Variants in ADGRG3 observed in about 807,000 individuals in gnomAD.
ADGRG3 encodes the protein G protein-coupled receptor 97.
In ADGRG3, 39 loss-of-function variants were observed where a neutral mutation model predicts 54.3. The observed-to-expected ratio is 0.72, with a 90% CI of 0.56 to 0.94. ADGRG3 has a LOEUF of 0.94. Among genes scored for constraint, ADGRG3 ranks in the 40% least tolerant of loss-of-function variants. The pLI, the probability that ADGRG3 is intolerant of heterozygous loss-of-function variation, is 0.00. For missense variants in ADGRG3, 654 were observed against 694.6 expected (o/e 0.94, Z 0.66); for synonymous variants, 312 against 290.0 (o/e 1.08, Z -0.77).
At chr16:57,667,587 G>A (rs1441990980), upstream of ADGRG3, among the ~76,000 whole-genome samples, 1 of 152,248 alleles carries the variant, frequency 6.6e-6, no homozygotes, top group Non-Finnish European at 1.5e-5. Flanking sequence ...GGGAGGCTCA[G>A]GGTGACAGAC....
rs781349146 is a variant in ADGRG3, at chr16:57,676,260, GC to G, written c.269del (p.Pro90LeufsTer3). The G allele has an allele frequency of 8.5e-5, 137 of 1,613,886 alleles. No homozygotes were observed. The highest frequency in any genetic ancestry group is 1.1e-4 in the Non-Finnish European group (132 of 1,179,892). Reference sequence around the variant, plus strand: ...AAGGTTTGACGCAGAAGGTGAACACGCCTTTCCTGAAGGCTTTGGTCCAGAA... The same window carrying G: ...AAGGTTTGACGCAGAAGGTGAACACGCTTTCCTGAAGGCTTTGGTCCAGAA... ...KEGLTQKVNT[P>X]FLKALVQNLS... On this transcript the variant is annotated frameshift_variant, in exon 3 of 12. Transcript: ENST00000333493. LOFTEE classifies it high-confidence loss of function.
In ADGRG3 at chr16:57,688,377, C is replaced by T. The variant is rs547156147; in HGVS notation, c.1566C>T (p.Thr522=). Residue 522 remains threonine, a synonymous_variant, in exon 12 of 12, where the codon ACC becomes ACT. Transcript: ENST00000333493. ...GTGTCTTCATCTGCTGCTGGTTCAC[C>T]ATCCTTTACCTCCCAAGTCAGAGCA... ...LQGVFICCWF[T]ILYLPSQSTT... The T allele has an allele frequency of 6.2e-7, 1 of 1,613,160 alleles. No individual in the cohort carries two copies. The highest frequency in any genetic ancestry group is 1.1e-5 in the South Asian group (1 of 91,052).
chr16:57,681,734 AAAAAAAAAAAAAG>A (rs1199426579), intron 8 of ADGRG3, among the ~76,000 whole-genome samples: 4 of 148,208 alleles, frequency 2.7e-5, no homozygotes, highest in African/African-American at 1.0e-4. Context: ...CTCAAAAAAA[AAAAAAAAAAAAAG>A]AGAGAGAGAG....
Position 57,682,777 on chromosome 16 carries a change from T to G in ADGRG3, c.882-1155T>G, listed in dbSNP as rs556927933. Among the ~76,000 whole-genome samples the G allele has an allele frequency of 2.0e-3, 309 of 152,330 alleles. 1 individual carries two copies. Among genetic ancestry groups the G allele is most frequent in the Non-Finnish European group, 3.1e-3 (214 of 68,020 alleles). ...CTGGTGAGTCACTGGACAGGGAGTC[T>G]GGAGCCCAGGGTTGGAGCCCCTGCC... On this transcript the variant is annotated intron_variant, in intron 8 of 11. Transcript: ENST00000333493.
chr16:57,682,568 G>C, intron 8 of ADGRG3: 4 of 985,474 alleles, frequency 4.1e-6, no homozygotes, highest in Non-Finnish European at 4.8e-6. Context: ...TGTGAGCGGG[G>C]CTTGGAGCGC....
At position 57,688,664 on chromosome 16, in the gene ADGRG3, T is replaced by A. The variant is rs11648336; in HGVS notation, c.*203T>A. 120,799 of 567,750 alleles carry A rather than the reference T, an allele frequency of 0.21. 13,865 individuals are homozygous for A. The highest frequency in any genetic ancestry group is 0.22 in the Non-Finnish European group (71,087 of 316,182). The allele number at this position is 567,750 out of a possible 1,614,324, so 35.2% of individuals were successfully genotyped here. A position where few individuals can be genotyped will look rare whatever the true frequency, so the allele number is the denominator to read the frequency against. ...GTCCAAGAGTCCACGTAAGCAGGTT[T>A]GCAAGGCTCTAAAGTTCCTATAGTC... On this transcript the variant is annotated 3_prime_UTR_variant, in exon 12 of 12. Transcript: ENST00000333493.
chr16:57,666,263 T>C (rs143040270), upstream of ADGRG3, among the ~76,000 whole-genome samples: 10 of 152,310 alleles, frequency 6.6e-5, no homozygotes, highest in East Asian at 1.9e-3. Flanking sequence ...TCCGCAATTC[T>C]CCTGCTTCTC....
upstream of ADGRG3, chr16:57,668,109 C>A: frequency 1.7e-6 from 1 of 577,330 alleles, no homozygotes; most frequent in Non-Finnish European, 3.1e-6. Flanking sequence ...CCTGGGTGGG[C>A]TCAGCAGCTC....
rs147753492 is a variant in ADGRG3 at position 57,684,412 on chromosome 16, C to A, written c.1185C>A (p.Ile395=). ...VGWGLPALMV[I]GTGSANSYGL... is the part of the protein sequence containing the mutation. ...CAGGCCTGCCCGCCCTGATGGTCAT[C>A]GGCACTGGGAGTGCCAACAGCTACG... The change falls in exon 10 of 12, where the codon ATC becomes ATA. Residue 395 remains isoleucine, a synonymous_variant. Coordinates refer to ENST00000333493, the MANE Select transcript of ADGRG3 (RefSeq NM_170776.5). The A allele has an allele frequency of 6.2e-6, 10 of 1,613,542 alleles. No homozygotes were observed. The highest frequency in any genetic ancestry group is 8.5e-6 in the Non-Finnish European group (10 of 1,179,604).
chr16:57,676,017 G>C (rs2048256272), intron 2 of ADGRG3, among the ~76,000 whole-genome samples, 183 bp from the exon 3 acceptor site: 1 of 152,208 alleles, frequency 6.6e-6, no homozygotes, highest in African/African-American at 2.4e-5. Flanking sequence ...TACTCAGAGG[G>C]ACGCCTAGCT....
intron 8 of ADGRG3, 109 bp from the exon 9 acceptor site, chr16:57,683,823 G>A (rs2048420103): frequency 1.3e-6 from 1 of 778,844 alleles, no homozygotes; most frequent in Non-Finnish European, 1.9e-6. Context: ...GCAGGAGCTG[G>A]CAGTGGGGGT....
rs2048420830 is a variant in ADGRG3, at chr16:57,683,851, T to C, written c.882-81T>C. The C allele has an allele frequency of 3.4e-6, 4 of 1,161,442 alleles. No homozygotes were observed. In the Admixed American group the frequency reaches 7.5e-5, roughly 22 times the overall value. 71.9% of individuals were successfully genotyped at this position (1,161,442 alleles called of 1,614,324 possible). ...GTGGGGGTGGAGAGCCATAGGCTAT[T>C]GGGGTGGACAGGCTTGGGTGCCTCA... On this transcript the variant is annotated intron_variant, in intron 8 of 11. Coordinates refer to ENST00000333493, the MANE Select transcript of ADGRG3 (RefSeq NM_170776.5).
In ADGRG3 at chr16:57,676,258, A is replaced by G. The variant is rs1278233843; in HGVS notation, c.265A>G (p.Thr89Ala). 2 of 1,613,976 alleles carry G rather than the reference A, an allele frequency of 1.2e-6. No homozygotes were observed. The highest frequency in any genetic ancestry group is 1.3e-5 in the African/African-American group (1 of 74,920). Reference protein sequence around the residue: ...MKEGLTQKVNTPFLKALVQNL... With the variant: ...MKEGLTQKVNAPFLKALVQNL... ...GGAAGGTTTGACGCAGAAGGTGAAC[A>G]CGCCTTTCCTGAAGGCTTTGGTCCA... The change falls in exon 3 of 12, where the codon ACG becomes GCG. Residue 89 changes from threonine (T) to alanine (A), a missense_variant. Thr to Ala is a moderately conservative substitution (Grantham distance 58, BLOSUM62 0). Coordinates refer to ENST00000333493, the MANE Select transcript of ADGRG3 (RefSeq NM_170776.5).
At chr16:57,672,352 C>A (rs2048178420) in intron 1 of ADGRG3, among the ~76,000 whole-genome samples, 1 of 152,058 alleles carries the variant, frequency 6.6e-6, no homozygotes, top group African/African-American at 2.4e-5. Context: ...ATAGTGAGAA[C>A]CCCCTCTTCT....
intron 2 of ADGRG3, among the ~76,000 whole-genome samples, chr16:57,673,775 G>T (rs1414551538): frequency 6.6e-6 from 1 of 152,208 alleles, no homozygotes; most frequent in Non-Finnish European, 1.5e-5. Flanking sequence ...AAGGTGCCAG[G>T]TTAGCCCAGA....
At chr16:57,677,978 A>T (rs1349850959) in intron 3 of ADGRG3, among the ~76,000 whole-genome samples, 192 bp from the exon 4 acceptor site, 1 of 152,204 alleles carries the variant, frequency 6.6e-6, no homozygotes, top group African/African-American at 2.4e-5. Flanking sequence ...AAGGGCTATA[A>T]CTTGTCTAGG....
At chr16:57,669,819 C>T (rs1200367985) in intron 1 of ADGRG3, among the ~76,000 whole-genome samples, 4 of 152,112 alleles carry the variant, frequency 2.6e-5, no homozygotes, top group East Asian at 1.9e-4. Context: ...GGTGGGGGCT[C>T]GCATGTGAGA....
intron 11 of ADGRG3, among the ~76,000 whole-genome samples, chr16:57,687,395 G>A (rs1406668411): frequency 6.6e-6 from 1 of 152,126 alleles, no homozygotes; most frequent in Non-Finnish European, 1.5e-5. Context: ...GGAACTACAG[G>A]CACATGCCAC....
Position 57,680,342 on chromosome 16 carries a change from C to T in ADGRG3, c.745C>T (p.Leu249=). ...PEGTVCCCDH[L]TFFALLLRPT... ...GGGGACCGTGTGCTGCTGTGACCAC[C>T]TGACCTTTTTCGCCCTGCTCCTGGT... Residue 249 remains leucine (L), a synonymous_variant, in exon 7 of 12, where the codon CTG becomes TTG. Coordinates refer to ENST00000333493, the MANE Select transcript of ADGRG3 (RefSeq NM_170776.5). 1 of 1,613,108 alleles carries T rather than the reference C, an allele frequency of 6.2e-7. No individual in the cohort carries two copies. Among genetic ancestry groups the T allele is most frequent in the South Asian group, 1.1e-5 (1 of 91,012 alleles).
Sources: allele counts gnomAD v4.1 joint callset (sites outside exome capture counted in the v4.1 genomes callset), GRCh38; gene constraint gnomAD v4.1.1; transcripts MANE v1.5; gene names NCBI Gene and HGNC (gene_info 2026-07-23, HGNC 2026-07-21).